Variants in NLRP3 observed in about 807,000 individuals in gnomAD.
NLRP3 encodes NACHT, LRR and PYD domains-containing protein 3.
A neutral mutation model predicts 91.3 loss-of-function variants in NLRP3; 48 were observed. That is an observed-to-expected ratio of 0.53 (90% CI 0.42 to 0.67). The LOEUF is 0.67. Ranked by LOEUF, NLRP3 falls within the 30% of genes least tolerant of loss-of-function variation. NLRP3 has a pLI of 0.00. For missense variants in NLRP3, 982 were observed against 1,276.9 expected (o/e 0.77, Z 3.52); for synonymous variants, 561 against 507.9 (o/e 1.10, Z -1.41).
At chr1:247,419,317 G>C (rs146216440) in intron 2 of NLRP3, among the ~76,000 whole-genome samples, 5,264 of 151,922 alleles carry the variant, frequency 0.035, 140 homozygotes, top group Non-Finnish European at 0.051. Flanking sequence ...CTCCACGCCC[G>C]GCTAATTTTG....
At chr1:247,417,178 G>T (rs1184308480) in intron 1 of NLRP3, among the ~76,000 whole-genome samples, 2 of 152,164 alleles carry the variant, frequency 1.3e-5, no homozygotes, top group African/African-American at 2.4e-5. Flanking sequence ...CTTTGTCTTT[G>T]TCTGACTGAA....
chr1:247,424,565 C>A lies in NLRP3; in HGVS notation c.1116C>A (p.Ser372=). Residue 372 remains serine (S), a synonymous_variant, in exon 4 of 10, where the codon TCC becomes TCA. Transcript: ENST00000336119. This position sits in a 1 kb window ranked among gnomAD's most constrained non-coding sequence, Gnocchi z 8.1. ...HPRHVEILGF[S]EAKRKEYFFK... is the part of the protein sequence containing the mutation. ...GGCATGTGGAGATCCTGGGTTTCTC[C>A]GAGGCCAAAAGGAAAGAGTACTTCT... 1 of 1,614,166 alleles carries A rather than the reference C, an allele frequency of 6.2e-7. No individual in the cohort carries two copies. The highest frequency in any genetic ancestry group is 1.7e-5 in the Admixed American group (1 of 60,020).
intron 2 of NLRP3, among the ~76,000 whole-genome samples, chr1:247,422,340 T>C (rs1418265320): frequency 1.3e-5 from 2 of 150,922 alleles, no homozygotes; most frequent in Non-Finnish European, 2.9e-5. Flanking sequence ...GATTGTGTCA[T>C]TGCACTCCAG....
rs1662238131 is a variant in NLRP3, at chr1:247,418,894, C to T, written c.94C>T (p.Pro32Ser). 2.5e-6 allele frequency: 4 copies of T among 1,614,044 alleles called. No individual in the cohort carries two copies. Among genetic ancestry groups the T allele is most frequent in the Non-Finnish European group, 2.5e-6 (3 of 1,180,008 alleles). The change falls in exon 2 of 10, where the codon CCC (proline) becomes TCC (serine). Residue 32 changes from proline to serine, a missense_variant. Physicochemically the swap from Pro to Ser is moderately conservative, Grantham distance 74. Around this residue, in one of 5 missense-constraint regions of NLRP3, gnomAD observed 548 missense variants for 713.7 expected, o/e 0.77. Transcript: ENST00000336119. ...TAAGATGCACTTAGAGGACTATCCT[C>T]CCCAGAAGGGCTGCATCCCCCTCCC... ...KFKMHLEDYP[P>S]QKGCIPLPRG...
At chr1:247,432,038 C>A (rs1312001245) in intron 5 of NLRP3, among the ~76,000 whole-genome samples, 1 of 152,176 alleles carries the variant, frequency 6.6e-6, no homozygotes, top group Non-Finnish European at 1.5e-5. Flanking sequence ...GCATGGGCCA[C>A]CACGCCCAGC....
At chr1:247,448,376 C>T in intron 9 of NLRP3, 29 bp from the exon 10 acceptor site, 1 of 1,259,554 alleles carries the variant, frequency 7.9e-7, no homozygotes, top group Non-Finnish European at 1.2e-6. Flanking sequence ...CTGAAGAGTG[C>T]AACCCAGGCT....
intron 2 of NLRP3, among the ~76,000 whole-genome samples, chr1:247,419,562 A>AATG (rs1378815515): frequency 6.6e-6 from 1 of 152,160 alleles, no homozygotes; most frequent in African/African-American, 2.4e-5. Flanking sequence ...TCACCCATTG[A>AATG]ATGATAACTC....
chr1:247,440,969 C>G (rs531991584), intron 7 of NLRP3, among the ~76,000 whole-genome samples: 1 of 152,260 alleles, frequency 6.6e-6, no homozygotes, highest in South Asian at 2.1e-4. Flanking sequence ...ACATTCCCAT[C>G]TTGAGGTTGT....
intron 2 of NLRP3, 44 bp downstream of exon 2, chr1:247,419,121 A>T (rs752281385): frequency 1.3e-6 from 2 of 1,541,210 alleles, no homozygotes; most frequent in Admixed American, 3.6e-5. Flanking sequence ...GGCCAAGTGC[A>T]CATAGTGTAC....
chr1:247,436,033 C>A lies in NLRP3; in HGVS notation c.2556C>A (p.Ser852Arg). The A allele has an allele frequency of 6.2e-7, 1 of 1,614,110 alleles. No homozygotes were observed. Among genetic ancestry groups the A allele is most frequent in the Non-Finnish European group, 8.5e-7 (1 of 1,180,010 alleles). Residue 852 changes from serine (S) to arginine (R), a missense_variant, in exon 7 of 10, where the codon AGC (serine) becomes AGA (arginine). Coordinates refer to ENST00000336119, the MANE Select transcript of NLRP3 (RefSeq NM_001243133.2). ...CQDLASVLST[S>R]HSLTRLYVGE... ...ATCTTGCATCAGTATTGAGCACCAG[C>A]CATTCCCTGACCAGACTCTATGTGG...
In NLRP3 at chr1:247,436,156, T is replaced by A. The variant is rs199623293; in HGVS notation, c.2663+16T>A. The A allele has an allele frequency of 6.2e-7, 1 of 1,613,362 alleles. No homozygotes were observed. Among genetic ancestry groups the A allele is most frequent in the Non-Finnish European group, 8.5e-7 (1 of 1,179,356 alleles). On this transcript the variant is annotated intron_variant, in intron 7 of 9. Coordinates refer to ENST00000336119, the MANE Select transcript of NLRP3 (RefSeq NM_001243133.2). Reference sequence around the variant, plus strand: ...AGAAACTGGGGTAAGTCTTCATGGGTGTCTTACCAGAAAAGTAACTTCTTT... The same window carrying A: ...AGAAACTGGGGTAAGTCTTCATGGGAGTCTTACCAGAAAAGTAACTTCTTT...
rs1275885000 is a variant in NLRP3 at position 247,429,597 on chromosome 1, C to T, written c.2163C>T (p.Ser721=). ...TTCTAATTCCTAGATTGGTGAACAG[C>T]CACCTCACTTCCAGTTTTTGCCGGG... The part of the protein sequence containing the change: ...HAACSHGLVN[S]HLTSSFCRGL... Residue 721 remains serine (S), a synonymous_variant, in exon 5 of 10, where the codon AGC becomes AGT. Coordinates refer to ENST00000336119, the MANE Select transcript of NLRP3 (RefSeq NM_001243133.2). The T allele has an allele frequency of 6.2e-7, 1 of 1,614,196 alleles. No homozygotes were observed. The highest frequency in any genetic ancestry group is 8.5e-7 in the Non-Finnish European group (1 of 1,180,016).
Position 247,444,956 on chromosome 1 carries a change from T to C in NLRP3, c.3005+135T>C, listed in dbSNP as rs1011065986. Reference sequence around the variant, plus strand: ...TAGGTTGGGCCTGGGTCAGTTGTGGTGGATATTTTAAAATAGAGAATATGG... The same window carrying C: ...TAGGTTGGGCCTGGGTCAGTTGTGGCGGATATTTTAAAATAGAGAATATGG... On this transcript the variant is annotated intron_variant, in intron 9 of 9. Coordinates refer to ENST00000336119, the MANE Select transcript of NLRP3 (RefSeq NM_001243133.2). The C allele has an allele frequency of 8.3e-6, 7 of 840,354 alleles. No individual in the cohort carries two copies. The African/African-American group carries it at 1.0e-4, about 12-fold the overall frequency. The allele number at this position is 840,354 out of a possible 1,614,324, so 52.1% of individuals were successfully genotyped here. A position where few individuals can be genotyped will look rare whatever the true frequency, so the allele number is the denominator to read the frequency against.
intron 5 of NLRP3, among the ~76,000 whole-genome samples, chr1:247,430,821 G>A (rs1663261966): frequency 2.0e-5 from 3 of 151,394 alleles, no homozygotes; most frequent in Non-Finnish European, 2.9e-5. Context: ...CACCCAGGCT[G>A]GAGTGTGTGA....
Position 247,419,046 on chromosome 1 carries a change from T to C in NLRP3, c.246T>C (p.Tyr82=), listed in dbSNP as rs1166845131. Residue 82 remains tyrosine (Y), a synonymous_variant, in exon 2 of 10, where the codon TAT becomes TAC. Transcript: ENST00000336119. ...IFAAINRRDL[Y]EKAKRDEPKW... is the part of the protein sequence containing the mutation. ...CTGCGATCAACAGGAGAGACCTTTATGAGAAAGCAAAAAGAGATGAGCCGA... is the reference window on the plus strand; with the variant it reads ...CTGCGATCAACAGGAGAGACCTTTACGAGAAAGCAAAAAGAGATGAGCCGA... 1 of 1,612,644 alleles carries C rather than the reference T, an allele frequency of 6.2e-7. No homozygotes were observed. The highest frequency in any genetic ancestry group is 1.7e-5 in the Admixed American group (1 of 59,984).
rs140618467 is a variant in NLRP3, at chr1:247,436,087, C to A, written c.2610C>A (p.Val870=). Residue 870 remains valine, a synonymous_variant, in exon 7 of 10, where the codon GTC becomes GTA. Transcript: ENST00000336119. The part of the protein sequence containing the change: ...VGENALGDSG[V]AILCEKAKNP... ...AGAATGCCTTGGGAGACTCAGGAGT[C>A]GCAATTTTATGTGAAAAAGCCAAGA... The A allele has an allele frequency of 1.2e-5, 20 of 1,613,954 alleles. No individual in the cohort carries two copies. The East Asian group carries it at 4.0e-4, about 32-fold the overall frequency.
intron 2 of NLRP3, among the ~76,000 whole-genome samples, chr1:247,420,843 G>C: frequency 6.6e-6 from 1 of 152,196 alleles, no homozygotes; most frequent in Non-Finnish European, 1.5e-5. Flanking sequence ...GATGCAGACT[G>C]TACCTACCCC....
chr1:247,448,377 A>G (rs897159625), intron 9 of NLRP3, 28 bp from the exon 10 acceptor site: 1 of 1,294,630 alleles, frequency 7.7e-7, no homozygotes, highest in Non-Finnish European at 1.1e-6. Context: ...TGAAGAGTGC[A>G]ACCCAGGCTT....
chr1:247,434,302 T>C (rs2103163907), intron 6 of NLRP3, 29 bp downstream of exon 6: 3 of 1,613,596 alleles, frequency 1.9e-6, no homozygotes, highest in Non-Finnish European at 2.5e-6. Context: ...CCTAAGGAAG[T>C]TCTGCCAGCG....
Sources: gnomAD v4.1 joint callset for allele counts (sites outside exome capture counted in the v4.1 genomes callset) on GRCh38, gnomAD v4.1.1 for gene constraint, gnomAD v4.1.1 regional missense constraint, Gnocchi (gnomAD v3.1) non-coding constraint, MANE v1.5 for transcripts, NCBI Gene and HGNC (gene_info 2026-07-23, HGNC 2026-07-21) for gene names.